Variants in CDK6 observed in about 807,000 individuals in gnomAD.
CDK6 encodes the protein cyclin-dependent kinase 6.
CDK6 carries 6 observed loss-of-function variants against 37.1 expected under a neutral mutation model. The ratio of observed to expected loss-of-function variants is 0.16; its 90% CI spans 0.09 to 0.32. The LOEUF (loss-of-function observed/expected upper bound fraction) is 0.32, where lower values mean the gene tolerates loss of function less well. Ranked by LOEUF, CDK6 falls within the 10% of genes least tolerant of loss-of-function variation. The pLI, the probability that CDK6 is intolerant of heterozygous loss-of-function variation, is 1.00. For missense variants in CDK6, 224 were observed against 418.9 expected (o/e 0.53, Z 4.06); for synonymous variants, 160 against 161.3 (o/e 0.99, Z 0.06).
chr7:92,680,435 GAAAAAAAAA>G (rs778849907), intron 4 of CDK6, among the ~76,000 whole-genome samples: 2 of 27,934 alleles, frequency 7.2e-5, no homozygotes, highest in South Asian at 1.6e-3. Flanking sequence ...TTCCATCTCA[GAAAAAAAAA>G]AAAAAAAAAA....
chr7:92,762,949 G>A (rs1319008041), intron 3 of CDK6, among the ~76,000 whole-genome samples: 1 of 152,146 alleles, frequency 6.6e-6, no homozygotes, highest in Non-Finnish European at 1.5e-5. Flanking sequence ...ATCTTTTAAT[G>A]TTGCAGTTCC....
chr7:92,695,558 C>G (rs540004663), intron 4 of CDK6, among the ~76,000 whole-genome samples: 1 of 152,194 alleles, frequency 6.6e-6, no homozygotes, highest in Non-Finnish European at 1.5e-5. Context: ...GCTAAATAAG[C>G]GTATCTGCAT....
chr7:92,759,913 T>C (rs1245350183), intron 3 of CDK6, among the ~76,000 whole-genome samples: 1 of 152,146 alleles, frequency 6.6e-6, no homozygotes, highest in African/African-American at 2.4e-5. Context: ...TCAAATTAAA[T>C]ATTTTGCTTC....
Position 92,666,577 on chromosome 7 carries a change from G to T in CDK6, c.647+4849C>A, listed in dbSNP as rs182879868. ...ATCTCTGATTTTTATACACAGCCAT[G>T]ACCCTCATAATAACGTTTTGGTCAA... On this transcript the variant is annotated intron_variant, in intron 5 of 7. Coordinates refer to ENST00000424848, the MANE Select transcript of CDK6 (RefSeq NM_001145306.2). Among the ~76,000 whole-genome samples, 11 of 152,262 alleles carry T rather than the reference G, an allele frequency of 7.2e-5. No individual in the cohort carries two copies. The South Asian group carries it at 1.9e-3, about 26-fold the overall frequency.
intron 4 of CDK6, among the ~76,000 whole-genome samples, chr7:92,685,708 G>C (rs1268255272): frequency 1.3e-5 from 2 of 152,180 alleles, no homozygotes; most frequent in African/African-American, 4.8e-5. Context: ...TAAATCAGGA[G>C]AGACAGAGAA....
intron 5 of CDK6, among the ~76,000 whole-genome samples, chr7:92,624,609 C>A (rs1244430705): frequency 2.0e-5 from 3 of 152,118 alleles, no homozygotes; most frequent in Non-Finnish European, 4.4e-5. Context: ...AAGCCACCTG[C>A]ATATCACTAA....
intron 2 of CDK6, among the ~76,000 whole-genome samples, chr7:92,794,526 T>C (rs1056928936): frequency 1.3e-5 from 2 of 152,150 alleles, no homozygotes; most frequent in African/African-American, 2.4e-5. Context: ...GCGTGATTTT[T>C]GTGCTGTGCC....
chr7:92,673,049 G>C (rs1797126450), intron 4 of CDK6, among the ~76,000 whole-genome samples: 1 of 152,184 alleles, frequency 6.6e-6, no homozygotes, highest in African/African-American at 2.4e-5. Flanking sequence ...CCTGAGCCTA[G>C]GCCTTTTCTC....
chr7:92,698,263 C>T (rs1303201901), intron 4 of CDK6, among the ~76,000 whole-genome samples: 1 of 152,198 alleles, frequency 6.6e-6, no homozygotes, highest in Non-Finnish European at 1.5e-5. Flanking sequence ...AACTCCTCCA[C>T]ACACAGTATA....
Position 92,768,176 on chromosome 7 carries a change from G to C in CDK6, c.369+6520C>G, listed in dbSNP as rs186005846. 2.6e-5 allele frequency among the ~76,000 whole-genome samples: 4 copies of C among 152,200 alleles called. No individual in the cohort carries two copies. The East Asian group carries it at 7.7e-4, about 29-fold the overall frequency. On this transcript the variant is annotated intron_variant, in intron 3 of 7. Transcript: ENST00000424848. ...CTGAAGGTGGGAGGCTGATAGCGGTGGTGGGAGTTTGTAGAGGGGTAAACA... is the reference window on the plus strand; with the variant it reads ...CTGAAGGTGGGAGGCTGATAGCGGTCGTGGGAGTTTGTAGAGGGGTAAACA...
At chr7:92,717,283 A>G (rs1424075094) in intron 4 of CDK6, among the ~76,000 whole-genome samples, 1 of 151,900 alleles carries the variant, frequency 6.6e-6, no homozygotes, top group African/African-American at 2.4e-5. Flanking sequence ...TGGAGCCTGC[A>G]CTAAGCTATG....
chr7:92,779,524 C>T (rs1271147810), intron 2 of CDK6, among the ~76,000 whole-genome samples: 1 of 152,112 alleles, frequency 6.6e-6, no homozygotes, highest in East Asian at 1.9e-4. Flanking sequence ...TTTTAAGGTG[C>T]CATTATTATT....
intron 4 of CDK6, among the ~76,000 whole-genome samples, chr7:92,708,933 T>G (rs1030811898): frequency 1.3e-5 from 2 of 152,218 alleles, no homozygotes; most frequent in Non-Finnish European, 2.9e-5. Context: ...TCAGGACACA[T>G]CCACAACAGT....
intron 2 of CDK6, among the ~76,000 whole-genome samples, chr7:92,811,889 A>C (rs1289790104): frequency 6.6e-6 from 1 of 152,200 alleles, no homozygotes; most frequent in African/African-American, 2.4e-5. Context: ...GCAGCAGCTC[A>C]TGTCTGTAAT....
At chr7:92,625,342 C>T (rs1340281119) in intron 5 of CDK6, among the ~76,000 whole-genome samples, 2 of 151,784 alleles carry the variant, frequency 1.3e-5, no homozygotes, top group East Asian at 1.9e-4. Context: ...AACCATTTGC[C>T]ACCATGTGGT....
At chr7:92,627,161 G>A (rs957921374) in intron 5 of CDK6, among the ~76,000 whole-genome samples, 45 of 152,030 alleles carry the variant, frequency 3.0e-4, no homozygotes, top group Admixed American at 6.6e-5. Flanking sequence ...AGACTACCTG[G>A]AGGACCCTTG....
In CDK6 at chr7:92,626,852, G is replaced by A. The variant is rs578259389; in HGVS notation, c.648-3766C>T. ...AGGTGGTGGGGAGAGGAGATTAGAAGGTAACTGATTTAGTTTTAAATATTT... is the reference window on the plus strand; with the variant it reads ...AGGTGGTGGGGAGAGGAGATTAGAAAGTAACTGATTTAGTTTTAAATATTT... On this transcript the variant is annotated intron_variant, in intron 5 of 7. Transcript: ENST00000424848. Among the ~76,000 whole-genome samples the A allele has an allele frequency of 3.9e-5, 6 of 151,998 alleles. No individual in the cohort carries two copies. The East Asian group carries it at 1.2e-3, about 29-fold the overall frequency.
intron 4 of CDK6, among the ~76,000 whole-genome samples, chr7:92,709,286 T>C (rs1798033757): frequency 6.6e-6 from 1 of 152,170 alleles, no homozygotes; most frequent in Admixed American, 6.5e-5. Flanking sequence ...ACAACCCACA[T>C]ACTTCTTGCT....
chr7:92,637,361 A>G (rs1796197466), intron 5 of CDK6, among the ~76,000 whole-genome samples: 1 of 152,188 alleles, frequency 6.6e-6, no homozygotes, highest in African/African-American at 2.4e-5. Context: ...ATTGTAACTG[A>G]GGGACACATT....
Sources: gnomAD v4.1 joint callset for allele counts (sites outside exome capture counted in the v4.1 genomes callset) on GRCh38, gnomAD v4.1.1 for gene constraint, MANE v1.5 for transcripts, NCBI Gene and HGNC (gene_info 2026-07-23, HGNC 2026-07-21) for gene names.